The following CACNA2D3 variants were observed in gnomAD, a reference collection of about 807,000 sequenced individuals.
The protein encoded by CACNA2D3 is calcium voltage-gated channel auxiliary subunit alpha2delta 3, also known as voltage-dependent calcium channel subunit alpha-2/delta-3.
A neutral mutation model predicts 160.6 loss-of-function variants in CACNA2D3; 60 were observed. The ratio of observed to expected loss-of-function variants is 0.37; its 90% CI spans 0.30 to 0.46. CACNA2D3 has a LOEUF of 0.46. CACNA2D3 is among the 20% of genes least tolerant of loss of function. The probability of loss-of-function intolerance (pLI) is 1.00; values close to 1 mark genes in which losing one functional copy is unlikely to be tolerated. For missense variants in CACNA2D3, 1,205 were observed against 1,365.0 expected (o/e 0.88, Z 1.85); for synonymous variants, 558 against 492.9 (o/e 1.13, Z -1.75).
At chr3:54,434,056 T>G (rs1371396535) in intron 4 of CACNA2D3, among the ~76,000 whole-genome samples, 1 of 152,102 alleles carries the variant, frequency 6.6e-6, no homozygotes, top group African/African-American at 2.4e-5. Context: ...CTGGGTGGTG[T>G]TTGCATGGCT....
intron 3 of CACNA2D3, among the ~76,000 whole-genome samples, chr3:54,347,535 A>G (rs1235520727): frequency 1.3e-5 from 2 of 152,172 alleles, no homozygotes; most frequent in African/African-American, 4.8e-5. Flanking sequence ...ATGCCTTGTA[A>G]TAAACACCCT....
chr3:54,441,367 T>C (rs1422930605), intron 4 of CACNA2D3, among the ~76,000 whole-genome samples: 1 of 152,220 alleles, frequency 6.6e-6, no homozygotes, highest in Non-Finnish European at 1.5e-5. Context: ...TTGGAGTTCA[T>C]TGTAGATTCT....
intron 14 of CACNA2D3, among the ~76,000 whole-genome samples, chr3:54,817,142 AG>A (rs1365235392): frequency 1.3e-5 from 2 of 152,226 alleles, no homozygotes; most frequent in African/African-American, 4.8e-5. Flanking sequence ...ATCAAATAAT[AG>A]GTCAAGAATA....
intron 27 of CACNA2D3, among the ~76,000 whole-genome samples, chr3:54,922,843 C>T (rs1188607366): frequency 2.0e-5 from 3 of 152,176 alleles, no homozygotes; most frequent in Non-Finnish European, 2.9e-5. Flanking sequence ...CCTCTTTGCC[C>T]CTTGTCAGCT....
At chr3:54,549,637 G>A (rs1361386047) in intron 5 of CACNA2D3, among the ~76,000 whole-genome samples, 1 of 152,046 alleles carries the variant, frequency 6.6e-6, no homozygotes, top group East Asian at 1.9e-4. Flanking sequence ...CTGCCCACAT[G>A]CCCCCAGCTG....
intron 17 of CACNA2D3, among the ~76,000 whole-genome samples, chr3:54,848,729 C>G (rs1698989745): frequency 6.6e-6 from 1 of 152,220 alleles, no homozygotes; most frequent in African/African-American, 2.4e-5. Context: ...CAGCATCACA[C>G]TGTGAAGCTC....
At chr3:54,576,060 A>T (rs1376410211) in intron 8 of CACNA2D3, among the ~76,000 whole-genome samples, 1 of 152,176 alleles carries the variant, frequency 6.6e-6, no homozygotes, top group Non-Finnish European at 1.5e-5. Context: ...GAGGCAATGG[A>T]GACCCACAGA....
chr3:54,826,955 A>C (rs1703762215), intron 14 of CACNA2D3, among the ~76,000 whole-genome samples: 1 of 152,250 alleles, frequency 6.6e-6, no homozygotes, highest in Non-Finnish European at 1.5e-5. Context: ...TGTCCCAGGC[A>C]CTGTGCTAGG....
chr3:55,031,414 T>G (rs949896510), intron 35 of CACNA2D3, among the ~76,000 whole-genome samples: 9 of 152,208 alleles, frequency 5.9e-5, no homozygotes, highest in African/African-American at 1.2e-4. Flanking sequence ...AAAACCCATC[T>G]GATGTATTAA....
intron 27 of CACNA2D3, among the ~76,000 whole-genome samples, chr3:54,947,012 A>T (rs1701633266): frequency 6.6e-6 from 1 of 152,172 alleles, no homozygotes. Flanking sequence ...AGCCTTAGAC[A>T]AGTAATTGGG....
At chr3:54,633,195 A>G (rs1699284441) in intron 10 of CACNA2D3, among the ~76,000 whole-genome samples, 1 of 152,162 alleles carries the variant, frequency 6.6e-6, no homozygotes, top group Non-Finnish European at 1.5e-5. Context: ...TTGGAGCCCT[A>G]CCACCTATCC....
At chr3:54,722,960 C>T (rs1701198458) in intron 11 of CACNA2D3, among the ~76,000 whole-genome samples, 1 of 152,212 alleles carries the variant, frequency 6.6e-6, no homozygotes, top group Non-Finnish European at 1.5e-5. Flanking sequence ...AGCCATCAGG[C>T]AGGGACACTA....
chr3:54,557,695 G>A (rs1184633603), intron 5 of CACNA2D3, among the ~76,000 whole-genome samples: 1 of 152,248 alleles, frequency 6.6e-6, no homozygotes, highest in Middle Eastern at 3.4e-3. Context: ...ATTTAAGCGG[G>A]TTTTGCCGCT....
intron 3 of CACNA2D3, among the ~76,000 whole-genome samples, chr3:54,338,233 A>G (rs1177404451): frequency 3.3e-5 from 5 of 152,214 alleles, no homozygotes; most frequent in African/African-American, 7.2e-5. Context: ...TTTTTCTCCT[A>G]TGGCTTGGGT....
chr3:54,819,294 T>G (rs1703531646), intron 14 of CACNA2D3, among the ~76,000 whole-genome samples: 1 of 152,226 alleles, frequency 6.6e-6, no homozygotes, highest in Non-Finnish European at 1.5e-5. Context: ...CTTTCCACTT[T>G]TGTTTTGAAA....
At chr3:54,794,456 T>C (rs1001014187) in intron 13 of CACNA2D3, among the ~76,000 whole-genome samples, 7 of 152,190 alleles carry the variant, frequency 4.6e-5, no homozygotes, top group African/African-American at 1.4e-4. Context: ...AGAAATCTTA[T>C]AGTTACCCAC....
At chr3:54,329,486 T>C (rs189773164) in intron 3 of CACNA2D3, among the ~76,000 whole-genome samples, 7 of 152,324 alleles carry the variant, frequency 4.6e-5, no homozygotes, top group Admixed American at 2.6e-4. Context: ...TCATGGACTT[T>C]CCAGAATCCT....
chr3:54,249,972 T>G (rs1190032542), intron 2 of CACNA2D3, among the ~76,000 whole-genome samples: 1 of 152,304 alleles, frequency 6.6e-6, no homozygotes, highest in African/African-American at 2.4e-5. Context: ...TCTGAAAATG[T>G]AATGGGCAAA....
At chr3:54,312,903 C>T (rs1339370936) in intron 2 of CACNA2D3, among the ~76,000 whole-genome samples, 2 of 152,198 alleles carry the variant, frequency 1.3e-5, no homozygotes, top group African/African-American at 4.8e-5. Context: ...CTTACTGCAC[C>T]AAGCCGGGGT....
Sources: gnomAD v4.1 joint callset for allele counts (sites outside exome capture counted in the v4.1 genomes callset) on GRCh38, gnomAD v4.1.1 for gene constraint, MANE v1.5 for transcripts, NCBI Gene and HGNC (gene_info 2026-07-23, HGNC 2026-07-21) for gene names.